ZEB2: variants seen among roughly 807,000 people sequenced by gnomAD.
ZEB2 encodes the protein zinc finger E-box binding homeobox 2.
ZEB2 carries 6 observed loss-of-function variants against 99.9 expected under a neutral mutation model. The ratio of observed to expected loss-of-function variants is 0.06; its 90% CI spans 0.03 to 0.12. The LOEUF (loss-of-function observed/expected upper bound fraction) is 0.12. Ranked by LOEUF, ZEB2 falls within the 10% of genes least tolerant of loss-of-function variation. ZEB2 has a pLI of 1.00. For synonymous variants in ZEB2, 517 were observed against 542.5 expected, an observed-to-expected ratio of 0.95 and a Z score of 0.65; for missense variants, 969 against 1,502.8, an observed-to-expected ratio of 0.64 and a Z score of 5.87.
intron 2 of ZEB2, among the ~76,000 whole-genome samples, chr2:144,505,927 T>G (rs1013231014): frequency 6.6e-6 from 1 of 152,186 alleles, no homozygotes; most frequent in African/African-American, 2.4e-5. Context: ...TAAAATACCA[T>G]CTTTATTCAG....
intron 4 of ZEB2, among the ~76,000 whole-genome samples, chr2:144,409,913 GTTT>G (rs530632750): frequency 3.7e-5 from 5 of 133,402 alleles, no homozygotes; most frequent in Admixed American, 7.6e-5. Context: ...AAAAGTTGTT[GTTT>G]TTTTTTTTTT....
At chr2:144,415,984 G>A (rs1371882837) in intron 4 of ZEB2, among the ~76,000 whole-genome samples, 1 of 152,208 alleles carries the variant, frequency 6.6e-6, no homozygotes, top group Non-Finnish European at 1.5e-5. Context: ...TCACTTAATA[G>A]ATAGTCCATG....
intron 7 of ZEB2, 65 bp downstream of exon 7, chr2:144,401,134 A>T (rs1703304645): frequency 1.4e-6 from 2 of 1,435,360 alleles, no homozygotes; most frequent in Non-Finnish European, 2.0e-6. Flanking sequence ...AATTTTAAAC[A>T]ATCTTTTAAA....
At chr2:144,405,279 T>C (rs192296903) in intron 4 of ZEB2, 1 of 473,236 alleles carries the variant, frequency 2.1e-6, no homozygotes, top group African/African-American at 2.0e-5. Flanking sequence ...TATTAGTCTG[T>C]ATATACAAAG....
intron 2 of ZEB2, among the ~76,000 whole-genome samples, chr2:144,506,645 T>G (rs1287233372): frequency 2.0e-5 from 3 of 152,188 alleles, no homozygotes; most frequent in African/African-American, 7.2e-5. Flanking sequence ...GAAAGCAATA[T>G]ATTACATTTA....
intron 2 of ZEB2, among the ~76,000 whole-genome samples, chr2:144,510,376 T>C (rs375630076): frequency 1.6e-4 from 23 of 145,272 alleles, no homozygotes; most frequent in East Asian, 1.3e-3. Flanking sequence ...CCCTCACCTC[T>C]CTGGTCCGCT....
At chr2:144,396,614 C>A (rs1168871094) in intron 8 of ZEB2, 22 bp from the exon 9 acceptor site, 1 of 1,609,836 alleles carries the variant, frequency 6.2e-7, no homozygotes, top group African/African-American at 1.3e-5. Flanking sequence ...TCACACAGTT[C>A]AATACAGTGG....
At chr2:144,436,703 T>C (rs1243140547) in intron 2 of ZEB2, among the ~76,000 whole-genome samples, 1 of 152,176 alleles carries the variant, frequency 6.6e-6, no homozygotes, top group Non-Finnish European at 1.5e-5. Flanking sequence ...CTGGATAGGC[T>C]CCAACATGCA....
At chr2:144,412,517 G>A (rs1050474505) in intron 4 of ZEB2, among the ~76,000 whole-genome samples, 6 of 152,178 alleles carry the variant, frequency 3.9e-5, no homozygotes, top group African/African-American at 1.4e-4. Context: ...AGTGGCATCC[G>A]TATCATCTGG....
intron 2 of ZEB2, among the ~76,000 whole-genome samples, chr2:144,460,684 T>C (rs1453126490): frequency 1.3e-5 from 2 of 152,202 alleles, no homozygotes; most frequent in African/African-American, 4.8e-5. Flanking sequence ...TTAACTGTAT[T>C]ATTTTAAGTC....
chr2:144,445,277 T>G lies in ZEB2; in HGVS notation c.74-15251A>C, dbSNP rs943012298. 2.2e-3 allele frequency among the ~76,000 whole-genome samples: 331 copies of G among 148,564 alleles called. 1 individual carries two copies. Among genetic ancestry groups the G allele is most frequent in the Non-Finnish European group, 3.9e-3 (260 of 67,100 alleles). ...TTTCTTTCCTCCTCTTTTTTTTTTT[T>G]TTTTTTTTTTGATCAGAGGCATGAA... On this transcript the variant is annotated intron_variant, in intron 2 of 9. Coordinates refer to ENST00000627532, the MANE Select transcript of ZEB2 (RefSeq NM_014795.4).
At chr2:144,396,719 T>C in intron 8 of ZEB2, 127 bp from the exon 9 acceptor site, 1 of 1,011,154 alleles carries the variant, frequency 9.9e-7, no homozygotes, top group African/African-American at 1.6e-5. Flanking sequence ...TAAACATTTT[T>C]TTTTCCATGA....
At chr2:144,445,006 C>G (rs984774420) in intron 2 of ZEB2, 1 of 152,166 alleles carries the variant, frequency 6.6e-6, no homozygotes, top group Non-Finnish European at 1.5e-5. Context: ...AAATCTCAGG[C>G]AAGACCAGCA....
intron 2 of ZEB2, among the ~76,000 whole-genome samples, chr2:144,449,957 C>T (rs1311499998): frequency 6.6e-6 from 1 of 152,196 alleles, no homozygotes; most frequent in Non-Finnish European, 1.5e-5. Context: ...GTGTTTCAGA[C>T]ATACAGCCTT....
In ZEB2 at chr2:144,386,938, C is replaced by G. The variant is rs1485180122; in HGVS notation, c.*2513G>C. ...ACTCCTCCCCCTGCCCCCCCCACCC[C>G]CTCTGCCAGAAAGTTTGAAGATAGA... On this transcript the variant is annotated 3_prime_UTR_variant, in exon 10 of 10. Transcript: ENST00000627532. 3 of 149,166 alleles carry G rather than the reference C, an allele frequency of 2.0e-5. No individual in the cohort carries two copies. The highest frequency in any genetic ancestry group is 4.5e-5 in the Non-Finnish European group (3 of 67,390). 9.2% of individuals were successfully genotyped at this position (149,166 alleles called of 1,614,324 possible).
intron 1 of ZEB2, chr2:144,519,708 G>A (rs1454607999): frequency 3.2e-6 from 1 of 311,342 alleles, no homozygotes; most frequent in Non-Finnish European, 6.3e-6. Context: ...AGGGAAAAAG[G>A]AGAGAAAAGC....
At chr2:144,471,581 T>C (rs1353940537) in intron 2 of ZEB2, among the ~76,000 whole-genome samples, 4 of 151,936 alleles carry the variant, frequency 2.6e-5, no homozygotes. Context: ...CATAAGCTGT[T>C]AGAGAAAAGT....
intron 4 of ZEB2, among the ~76,000 whole-genome samples, chr2:144,417,914 G>A (rs1703562113): frequency 6.6e-6 from 1 of 152,108 alleles, no homozygotes; most frequent in African/African-American, 2.4e-5. Context: ...ATTTATACAT[G>A]TATCAAAACA....
At chr2:144,499,777 C>T (rs1454360924) in intron 2 of ZEB2, among the ~76,000 whole-genome samples, 1 of 152,064 alleles carries the variant, frequency 6.6e-6, no homozygotes, top group Non-Finnish European at 1.5e-5. Flanking sequence ...CATTTCACAG[C>T]CAACCAAATC....
Sources: allele counts gnomAD v4.1 joint callset (sites outside exome capture counted in the v4.1 genomes callset), GRCh38; gene constraint gnomAD v4.1.1; transcripts MANE v1.5; gene names NCBI Gene and HGNC (gene_info 2026-07-23, HGNC 2026-07-21).